RRBP1: variants seen among roughly 807,000 people sequenced by gnomAD.
RRBP1 encodes ribosome binding protein 1.
RRBP1 carries 94 observed loss-of-function variants against 165.2 expected under a neutral mutation model. The observed-to-expected ratio is 0.57, with a 90% CI of 0.48 to 0.68. The LOEUF (loss-of-function observed/expected upper bound fraction) is 0.68, where lower values mean the gene tolerates loss of function less well. Among genes scored for constraint, RRBP1 ranks in the 30% least tolerant of loss-of-function variants. The pLI is 0.00. For synonymous variants in RRBP1, 680 were observed against 714.5 expected (o/e 0.95, Z 0.77); for missense variants, 1,676 against 1,763.0 (o/e 0.95, Z 0.88).
At chr20:17,627,991 T>C (rs2036065039) in intron 9 of RRBP1, among the ~76,000 whole-genome samples, 1 of 152,200 alleles carries the variant, frequency 6.6e-6, no homozygotes, top group Non-Finnish European at 1.5e-5. Flanking sequence ...ATTCATCTTC[T>C]AGAAGACTCT....
chr20:17,649,578 G>C (rs1485786677), intron 3 of RRBP1, among the ~76,000 whole-genome samples: 1 of 147,672 alleles, frequency 6.8e-6, no homozygotes, highest in Non-Finnish European at 1.5e-5. Context: ...ACATGGGGAG[G>C]ACAGGCGTGG....
chr20:17,673,986 G>C (rs1440877524), intron 2 of RRBP1, among the ~76,000 whole-genome samples: 3 of 151,976 alleles, frequency 2.0e-5, no homozygotes, highest in African/African-American at 7.3e-5. Flanking sequence ...CAAATACCTA[G>C]AACTACCAAG....
At chr20:17,667,903 G>A (rs1195051610) in intron 2 of RRBP1, among the ~76,000 whole-genome samples, 1 of 152,214 alleles carries the variant, frequency 6.6e-6, no homozygotes, top group Non-Finnish European at 1.5e-5. Flanking sequence ...ACTGAGGACA[G>A]AATTCCATGC....
intron 19 of RRBP1, 182 bp from the exon 20 acceptor site, chr20:17,618,861 T>G (rs935820748): frequency 1.7e-6 from 1 of 604,532 alleles, no homozygotes; most frequent in Non-Finnish European, 3.0e-6. Flanking sequence ...ATTTCTTTTT[T>G]GAGGACTTAG....
At chr20:17,634,933 G>A (rs1218423637) in intron 7 of RRBP1, among the ~76,000 whole-genome samples, 1 of 152,210 alleles carries the variant, frequency 6.6e-6, no homozygotes, top group Non-Finnish European at 1.5e-5. Context: ...TCCCAGACAA[G>A]GACTAAGGGT....
In RRBP1 at chr20:17,658,596, C is replaced by G; in HGVS notation, c.1912G>C (p.Gly638Arg). The change falls in exon 3 of 25, where the codon GGG becomes CGG. Residue 638 changes from glycine (G) to arginine (R), a missense_variant and splice_region_variant. Physicochemically the swap from Gly to Arg is moderately radical, Grantham distance 125. Transcript: ENST00000377813. ...GTTCATAAAGAAATCAGTTACTTAC[C>G]AGGCTCACCTTTTTTCTTTGAACCA... is the stretch of plus-strand genomic sequence containing the variant. ...KSGSKKKGEPGPPDADGPLYL... is the reference protein window; with the variant it reads ...KSGSKKKGEPRPPDADGPLYL... 6.3e-7 allele frequency: 1 copy of G among 1,581,808 alleles called. No individual in the cohort carries two copies. The highest frequency in any genetic ancestry group is 8.6e-7 in the Non-Finnish European group (1 of 1,166,800).
chr20:17,646,045 G>C (rs1416929799), intron 3 of RRBP1, among the ~76,000 whole-genome samples: 1 of 152,126 alleles, frequency 6.6e-6, no homozygotes, highest in Non-Finnish European at 1.5e-5. Context: ...GTCTGGCAGG[G>C]GACACAGCAA....
chr20:17,619,710 G>A lies in RRBP1; in HGVS notation c.3598C>T (p.His1200Tyr). 1.2e-6 allele frequency: 2 copies of A among 1,612,626 alleles called. No homozygotes were observed. Among genetic ancestry groups the A allele is most frequent in the Non-Finnish European group, 1.7e-6 (2 of 1,179,602 alleles). ...SSDQVREHTS[H>Y]LEAELEKHMA... ...TGCTTTTCCAGCTCTGCCTCCAAAT[G>A]CGACGTGTGCTCCCTCACCTGGACA... is the stretch of plus-strand genomic sequence containing the variant. The change falls in exon 19 of 25, where the codon CAT becomes TAT. Residue 1200 changes from histidine (H) to tyrosine (Y), a missense_variant. Around this residue, in one of 5 missense-constraint regions of RRBP1, gnomAD observed 1,184 missense variants for 1,167.1 expected, o/e 1.01. Transcript: ENST00000377813.
At chr20:17,627,766 G>T in intron 9 of RRBP1, 84 bp from the exon 10 acceptor site, 1 of 1,355,444 alleles carries the variant, frequency 7.4e-7, no homozygotes, top group Non-Finnish European at 1.0e-6. Flanking sequence ...TGCCCTCTTA[G>T]CACATGTGGG....
intron 3 of RRBP1, among the ~76,000 whole-genome samples, chr20:17,651,316 G>C (rs1372566199): frequency 6.6e-6 from 1 of 152,138 alleles, no homozygotes; most frequent in African/African-American, 2.4e-5. Context: ...AACGTTTCTG[G>C]AAAGCAATGC....
chr20:17,636,480 C>T, intron 6 of RRBP1, 97 bp downstream of exon 6: 1 of 1,439,944 alleles, frequency 6.9e-7, no homozygotes, highest in Middle Eastern at 1.9e-4. Context: ...TCAACCCCCT[C>T]CTCATGCCTC....
chr20:17,651,988 C>T (rs2036567487), intron 3 of RRBP1, among the ~76,000 whole-genome samples: 1 of 152,190 alleles, frequency 6.6e-6, no homozygotes, highest in South Asian at 2.1e-4. Flanking sequence ...GGGGGCCCTG[C>T]TGGACCAGCC....
At chr20:17,672,717 C>T (rs989374288) in intron 2 of RRBP1, among the ~76,000 whole-genome samples, 2 of 152,178 alleles carry the variant, frequency 1.3e-5, no homozygotes, top group Non-Finnish European at 2.9e-5. Context: ...CAAAAGTCTG[C>T]GGCATTAATA....
chr20:17,674,594 T>C (rs2037039221), intron 2 of RRBP1, among the ~76,000 whole-genome samples: 1 of 151,426 alleles, frequency 6.6e-6, no homozygotes, highest in Admixed American at 6.6e-5. Context: ...AAACCCCGTC[T>C]CTACTAAAAA....
intron 3 of RRBP1, among the ~76,000 whole-genome samples, chr20:17,651,584 C>T (rs952368321): frequency 6.6e-6 from 1 of 152,224 alleles, no homozygotes; most frequent in Non-Finnish European, 1.5e-5. Context: ...GTTAAGCAGA[C>T]AGCAGTGTGC....
intron 20 of RRBP1, among the ~76,000 whole-genome samples, 184 bp from the exon 21 acceptor site, chr20:17,617,023 G>C (rs1600723058): frequency 1.3e-5 from 2 of 152,172 alleles, no homozygotes; most frequent in African/African-American, 4.8e-5. Flanking sequence ...GCCAAACCAA[G>C]GCCACCAAGC....
In RRBP1 at chr20:17,613,980, A is replaced by C. The variant is rs2035741277; in HGVS notation, c.*202T>G. On this transcript the variant is annotated 3_prime_UTR_variant, in exon 25 of 25. Coordinates refer to ENST00000377813, the MANE Select transcript of RRBP1 (RefSeq NM_001365613.2). ...GCTGCGCCCAGGATAGTGTTTATCA[A>C]ATGTGACACAGGTTCATTTACAAAC... is the stretch of plus-strand genomic sequence containing the variant. The C allele has an allele frequency of 1.7e-6, 1 of 599,790 alleles. No individual in the cohort carries two copies. Among genetic ancestry groups the C allele is most frequent in the Non-Finnish European group, 3.0e-6 (1 of 333,582 alleles). 37.2% of individuals were successfully genotyped at this position (599,790 alleles called of 1,614,324 possible).
At chr20:17,672,856 C>T (rs2037002679) in intron 2 of RRBP1, among the ~76,000 whole-genome samples, 2 of 152,194 alleles carry the variant, frequency 1.3e-5, no homozygotes, top group South Asian at 2.1e-4. Flanking sequence ...TTACACGTAA[C>T]GTTGAGTGAA....
At position 17,658,921 on chromosome 20, in the gene RRBP1, CT is replaced by C. The variant is rs776525008; in HGVS notation, c.1586del (p.Lys529ArgfsTer32). The C allele has an allele frequency of 6.2e-7, 1 of 1,613,210 alleles. No individual in the cohort carries two copies. The highest frequency in any genetic ancestry group is 8.5e-7 in the Non-Finnish European group (1 of 1,179,884). ...GKKTEGAQGK[K>X]AERSPNQGKK... ...TGCCTTGGTTGGGACTCCTTTCTGC[CT>C]TTTTGCCCTGAGCCCCTTCTGTCTT... On this transcript the variant is annotated frameshift_variant, in exon 3 of 25. Coordinates refer to ENST00000377813, the MANE Select transcript of RRBP1 (RefSeq NM_001365613.2). LOFTEE classifies it high-confidence loss of function.
Sources: allele counts gnomAD v4.1 joint callset (sites outside exome capture counted in the v4.1 genomes callset), GRCh38; gene constraint gnomAD v4.1.1; regional missense constraint gnomAD v4.1.1; transcripts MANE v1.5; gene names NCBI Gene and HGNC (gene_info 2026-07-23, HGNC 2026-07-21).